CTNND2: variants seen among roughly 807,000 people sequenced by gnomAD.
CTNND2 encodes catenin delta-2.
In CTNND2, 22 loss-of-function variants were observed where a neutral mutation model predicts 144.4. The observed-to-expected ratio is 0.15, with a 90% CI of 0.11 to 0.22. The LOEUF is 0.22. Ranked by LOEUF, CTNND2 falls within the 10% of genes least tolerant of loss-of-function variation. CTNND2 has a pLI of 1.00. For synonymous variants in CTNND2, 751 were observed against 695.6 expected (o/e 1.08, Z -1.25); for missense variants, 1,353 against 1,618.8 (o/e 0.84, Z 2.82).
chr5:11,571,330 G>C (rs762437080), intron 2 of CTNND2, among the ~76,000 whole-genome samples: 4 of 152,266 alleles, frequency 2.6e-5, no homozygotes, highest in Non-Finnish European at 5.9e-5. Context: ...CCTTCCAGGA[G>C]AACCACTGTG....
chr5:11,288,065 C>A (rs952470282), intron 9 of CTNND2, among the ~76,000 whole-genome samples: 2 of 152,180 alleles, frequency 1.3e-5, no homozygotes, highest in African/African-American at 4.8e-5. Context: ...AGGTATGACA[C>A]TTATATAATT....
chr5:11,232,816 T>G (rs1741186411), intron 10 of CTNND2, among the ~76,000 whole-genome samples: 1 of 152,212 alleles, frequency 6.6e-6, no homozygotes, highest in Admixed American at 6.5e-5. Flanking sequence ...CGTTTGGCTC[T>G]GTGTCCCCAC....
intron 3 of CTNND2, among the ~76,000 whole-genome samples, chr5:11,422,498 A>G (rs1182600845): frequency 2.0e-5 from 3 of 152,176 alleles, no homozygotes; most frequent in African/African-American, 7.2e-5. Flanking sequence ...GTGACTGACA[A>G]TTGTCCAAGC....
chr5:11,731,717 A>G (rs1787399838), intron 2 of CTNND2, among the ~76,000 whole-genome samples: 1 of 152,152 alleles, frequency 6.6e-6, no homozygotes, highest in Admixed American at 6.5e-5. Flanking sequence ...TGGAAAAACC[A>G]ATTTGCCTTG....
intron 3 of CTNND2, among the ~76,000 whole-genome samples, chr5:11,560,572 C>A (rs1776603594): frequency 6.6e-6 from 1 of 152,182 alleles, no homozygotes; most frequent in Non-Finnish European, 1.5e-5. Context: ...TGTGGTAGGG[C>A]ACTTATGGTA....
intron 1 of CTNND2, among the ~76,000 whole-genome samples, chr5:11,839,934 T>C (rs1052056352): frequency 6.6e-6 from 1 of 152,228 alleles, no homozygotes; most frequent in Non-Finnish European, 1.5e-5. Context: ...ACTAAACTTA[T>C]GGATATGTTT....
chr5:11,861,570 T>C (rs1795506665), intron 1 of CTNND2, among the ~76,000 whole-genome samples: 1 of 152,224 alleles, frequency 6.6e-6, no homozygotes. Flanking sequence ...CGATGTCATC[T>C]TTTGTTCAGG....
chr5:11,262,817 A>C (rs187669127), intron 9 of CTNND2, among the ~76,000 whole-genome samples: 18 of 151,314 alleles, frequency 1.2e-4, no homozygotes, highest in Admixed American at 4.6e-4. Context: ...AAATTTGTTG[A>C]AATTGTGTTC....
intron 9 of CTNND2, among the ~76,000 whole-genome samples, chr5:11,316,595 C>T (rs1279851988): frequency 6.6e-6 from 1 of 151,578 alleles, no homozygotes. Context: ...CACCCATTAA[C>T]TCGTCATTTA....
At chr5:11,825,569 G>A (rs1043736788) in intron 1 of CTNND2, among the ~76,000 whole-genome samples, 8 of 152,032 alleles carry the variant, frequency 5.3e-5, no homozygotes, top group African/African-American at 1.7e-4. Flanking sequence ...AAATCAAGAA[G>A]AGACAACAAA....
intron 3 of CTNND2, among the ~76,000 whole-genome samples, chr5:11,486,947 T>C (rs1368561937): frequency 6.6e-6 from 1 of 152,224 alleles, no homozygotes; most frequent in African/African-American, 2.4e-5. Context: ...CTTACATATA[T>C]AGTAATAACT....
chr5:11,053,717 T>G (rs1175844923), intron 16 of CTNND2, among the ~76,000 whole-genome samples: 1 of 150,866 alleles, frequency 6.6e-6, no homozygotes, highest in African/African-American at 2.5e-5. Flanking sequence ...TGGCAGTTTT[T>G]TCCTCTTAAA....
At chr5:11,296,718 C>T (rs562342162) in intron 9 of CTNND2, among the ~76,000 whole-genome samples, 19 of 152,238 alleles carry the variant, frequency 1.2e-4, no homozygotes, top group Non-Finnish European at 2.5e-4. Context: ...TCATTCTCAG[C>T]AAACTATCGC....
At chr5:11,806,350 G>C (rs1310675858) in intron 1 of CTNND2, among the ~76,000 whole-genome samples, 1 of 152,118 alleles carries the variant, frequency 6.6e-6, no homozygotes, top group African/African-American at 2.4e-5. Flanking sequence ...ATTTTAAAAT[G>C]CATTATATAT....
chr5:11,239,799 G>A (rs899572027), intron 9 of CTNND2, among the ~76,000 whole-genome samples: 5 of 152,106 alleles, frequency 3.3e-5, no homozygotes, highest in Non-Finnish European at 1.5e-5. Context: ...CAACTTCCTC[G>A]GGGAATCCCG....
chr5:11,715,456 T>C lies in CTNND2; in HGVS notation c.174+16680A>G, dbSNP rs1049693541. On this transcript the variant is annotated intron_variant, in intron 2 of 21. Transcript: ENST00000304623. ...AATTTTTCAATGTATTCTCCAGCAGTTGACTTAACTGTTAACTCCAAAACC... is the reference window on the plus strand; with the variant it reads ...AATTTTTCAATGTATTCTCCAGCAGCTGACTTAACTGTTAACTCCAAAACC... Among the ~76,000 whole-genome samples, 8 of 152,342 alleles carry C rather than the reference T, an allele frequency of 5.3e-5. 1 individual carries two copies. The highest frequency in any genetic ancestry group is 4.1e-4 in the South Asian group (2 of 4,828).
chr5:11,366,269 T>C lies in CTNND2; in HGVS notation c.1178-1379A>G, dbSNP rs61749859. 1.8e-3 allele frequency among the ~76,000 whole-genome samples: 277 copies of C among 152,276 alleles called. 1 individual carries two copies. The highest frequency in any genetic ancestry group is 6.4e-3 in the African/African-American group (266 of 41,556). On this transcript the variant is annotated intron_variant, in intron 7 of 21. Transcript: ENST00000304623. Reference sequence around the variant, plus strand: ...AGTTTTAAAATTGCCAATAGAAAAATGTTTTACTGGTATATTTAACGTGGG... The same window carrying C: ...AGTTTTAAAATTGCCAATAGAAAAACGTTTTACTGGTATATTTAACGTGGG...
chr5:11,403,177 A>C (rs913067346), intron 5 of CTNND2, among the ~76,000 whole-genome samples: 1 of 152,194 alleles, frequency 6.6e-6, no homozygotes, highest in East Asian at 1.9e-4. Context: ...TGCATTAGAT[A>C]TATGTCCTGA....
intron 3 of CTNND2, among the ~76,000 whole-genome samples, chr5:11,512,385 A>T (rs1176748282): frequency 6.6e-6 from 1 of 152,226 alleles, no homozygotes; most frequent in African/African-American, 2.4e-5. Flanking sequence ...TCCATTAACA[A>T]AATTTTTTAA....
Sources: gnomAD v4.1 joint callset for allele counts (sites outside exome capture counted in the v4.1 genomes callset) on GRCh38, gnomAD v4.1.1 for gene constraint, MANE v1.5 for transcripts, NCBI Gene and HGNC (gene_info 2026-07-23, HGNC 2026-07-21) for gene names.